Variants in DPM2 observed in about 807,000 individuals in gnomAD.
DPM2 encodes dolichyl-phosphate mannosyltransferase subunit 2, regulatory, also known as dolichol phosphate-mannose biosynthesis regulatory protein.
A neutral mutation model predicts 12.1 loss-of-function variants in DPM2; 8 were observed. That is an observed-to-expected ratio of 0.66 (90% CI 0.39 to 1.19). DPM2 has a LOEUF of 1.19. Ranked by LOEUF, DPM2 falls within the 50% of genes most tolerant of loss-of-function variation. The pLI is 0.01. For missense variants in DPM2, 93 were observed against 102.5 expected, an observed-to-expected ratio of 0.91 and a Z score of 0.40; for synonymous variants, 38 against 44.7, an observed-to-expected ratio of 0.85 and a Z score of 0.60.
chr9:127,936,683 G>C (rs766442105), intron 2 of DPM2, 28 bp from the exon 3 acceptor site: 1 of 1,453,774 alleles, frequency 6.9e-7, no homozygotes, highest in South Asian at 1.5e-5. Context: ...GCTCTGGTGT[G>C]TCTTGCTTGC....
chr9:127,936,270 C>G (rs1831503129), intron 3 of DPM2: 2 of 1,438,976 alleles, frequency 1.4e-6, no homozygotes, highest in South Asian at 1.5e-5. Context: ...GAGAGAGGTG[C>G]AGGAATTAGA....
intron 1 of DPM2, 50 bp from the exon 2 acceptor site, chr9:127,937,573 C>T (rs762921072): frequency 1.2e-5 from 18 of 1,507,770 alleles, no homozygotes; most frequent in Non-Finnish European, 9.1e-7. Flanking sequence ...TATTTCGGCG[C>T]ACTAATGGAA....
intron 3 of DPM2, 127 bp from the exon 4 acceptor site, chr9:127,935,907 C>T (rs1360732106): frequency 2.4e-6 from 2 of 818,338 alleles, no homozygotes; most frequent in Non-Finnish European, 4.0e-6. Context: ...TCCAGGGAAC[C>T]TGCTTATCTC....
In DPM2 at chr9:127,937,172, C is replaced by T. The variant is rs537910422; in HGVS notation, c.93+262G>A. On this transcript the variant is annotated intron_variant, in intron 2 of 3. Transcript: ENST00000314392. ...TAACCCAGAAGGAACAGAACTCCCC[C>T]AAAAGTCAAAGCAAGCCGGAAACAG... 543 of 379,192 alleles carry T rather than the reference C, an allele frequency of 1.4e-3. 1 individual carries two copies. The highest frequency in any genetic ancestry group is 2.3e-3 in the Non-Finnish European group (479 of 210,910). The allele number at this position is 379,192 out of a possible 1,614,324, so 23.5% of individuals were successfully genotyped here. A position where few individuals can be genotyped will look rare whatever the true frequency, so the allele number is the denominator to read the frequency against.
At chr9:127,936,980 C>T (rs2131648814) in intron 2 of DPM2, 1 of 332,996 alleles carries the variant, frequency 3.0e-6, no homozygotes, top group South Asian at 1.3e-4. Context: ...ACCTGGGCCT[C>T]CAGGGCTTCT....
chr9:127,937,557 A>C, intron 1 of DPM2, 34 bp from the exon 2 acceptor site: 1 of 1,562,832 alleles, frequency 6.4e-7, no homozygotes. Flanking sequence ...TGACGAAGTG[A>C]CCCTCTATTT....
Position 127,937,408 on chromosome 9 carries a change from A to G in DPM2, c.93+26T>C, listed in dbSNP as rs781506496. ...GCGGTGCCAGGGCTCGGGGAAGGTG[A>G]GCAGCGGACGGGGAGAATGACATAC... is the stretch of plus-strand genomic sequence containing the variant. On this transcript the variant is annotated intron_variant, in intron 2 of 3. Transcript: ENST00000314392. The G allele has an allele frequency of 5.0e-6, 8 of 1,590,254 alleles. No individual in the cohort carries two copies. The Admixed American group carries it at 5.1e-5, about 10-fold the overall frequency.
chr9:127,937,572 G>T, intron 1 of DPM2, 49 bp from the exon 2 acceptor site: 1 of 1,504,156 alleles, frequency 6.6e-7, no homozygotes, highest in Non-Finnish European at 9.2e-7. Flanking sequence ...CTATTTCGGC[G>T]CACTAATGGA....
chr9:127,936,330 G>A, intron 3 of DPM2: 1 of 1,487,620 alleles, frequency 6.7e-7, no homozygotes, highest in Non-Finnish European at 9.0e-7. Flanking sequence ...TGATGATGGG[G>A]TTGGGGCAGG....
At chr9:127,936,428 A>G in intron 3 of DPM2, 125 bp downstream of exon 3, 2 of 1,601,700 alleles carry the variant, frequency 1.2e-6, no homozygotes, top group Non-Finnish European at 1.7e-6. Context: ...AAGGATGAAC[A>G]GGAAAACCCC....
Position 127,935,822 on chromosome 9 carries a change from C to T in DPM2, c.197-42G>A, listed in dbSNP as rs1439137807. ...AGAAAGGCCACATAAGATCTAAGCT[C>T]AGGGCTGCTGGGAGGCCAGGGCATG... is the stretch of plus-strand genomic sequence containing the variant. On this transcript the variant is annotated intron_variant, in intron 3 of 3. Transcript: ENST00000314392. The T allele has an allele frequency of 2.5e-6, 4 of 1,604,716 alleles. No homozygotes were observed. The Admixed American group carries it at 6.7e-5, about 27-fold the overall frequency.
intron 3 of DPM2, chr9:127,936,326 T>C (rs1172221192): frequency 2.7e-6 from 4 of 1,477,266 alleles, no homozygotes; most frequent in East Asian, 5.1e-5. Context: ...AGAGTGATGA[T>C]GGGGTTGGGG....
At position 127,937,843 on chromosome 9, in the gene DPM2, G is replaced by A. The variant is rs1383960470; in HGVS notation, c.-23C>T. 4 of 1,595,512 alleles carry A rather than the reference G, an allele frequency of 2.5e-6. No homozygotes were observed. The highest frequency in any genetic ancestry group is 2.7e-5 in the African/African-American group (2 of 74,678). ...CATTTCCCCGCGCGCTCAGCCACCC[G>A]AGCCGCAAGCCACATCCGGTTCCGG... On this transcript the variant is annotated 5_prime_UTR_variant, in exon 1 of 4. Coordinates refer to ENST00000314392, the MANE Select transcript of DPM2 (RefSeq NM_003863.4).
chr9:127,935,928 C>T (rs1297608249), intron 3 of DPM2, 148 bp from the exon 4 acceptor site: 6 of 706,592 alleles, frequency 8.5e-6, no homozygotes, highest in East Asian at 2.7e-5. Flanking sequence ...CCTAGTCATT[C>T]GTCAAGGCAT....
intron 3 of DPM2, 139 bp downstream of exon 3, chr9:127,936,414 C>T: frequency 6.3e-7 from 1 of 1,584,322 alleles, no homozygotes. Flanking sequence ...GACTGGCAGC[C>T]TCGAAGGATG....
intron 2 of DPM2, 134 bp downstream of exon 2, chr9:127,937,300 A>G (rs1831522781): frequency 7.7e-6 from 5 of 650,016 alleles, no homozygotes; most frequent in African/African-American, 1.8e-5. Flanking sequence ...CATCTTCCTC[A>G]TAGAGTTGTT....
intron 2 of DPM2, 37 bp downstream of exon 2, chr9:127,937,397 C>G (rs747426564): frequency 2.6e-6 from 4 of 1,559,348 alleles, no homozygotes; most frequent in Non-Finnish European, 3.5e-6. Context: ...TGCCAGGGCT[C>G]GGGGAAGGTG....
chr9:127,936,681 G>GC, intron 2 of DPM2, 26 bp from the exon 3 acceptor site: 1 of 1,471,408 alleles, frequency 6.8e-7, no homozygotes, highest in South Asian at 1.4e-5. Context: ...GAGCTCTGGT[G>GC]TGTCTTGCTT....
intron 3 of DPM2, chr9:127,935,999 C>T: frequency 1.7e-6 from 1 of 602,668 alleles, no homozygotes; most frequent in African/African-American, 1.8e-5. Flanking sequence ...CAAGATGCTG[C>T]ATTTAGTGTT....
Sources: gnomAD v4.1 joint callset for allele counts on GRCh38, gnomAD v4.1.1 for gene constraint, MANE v1.5 for transcripts, NCBI Gene and HGNC (gene_info 2026-07-23, HGNC 2026-07-21) for gene names.